Variants in OPHN1 observed in about 807,000 individuals in gnomAD.
OPHN1 encodes oligophrenin-1.
A neutral mutation model predicts 60.7 loss-of-function variants in OPHN1; 11 were observed. The observed-to-expected ratio is 0.18, with a 90% CI of 0.11 to 0.30. The LOEUF (loss-of-function observed/expected upper bound fraction) is 0.30. Ranked by LOEUF, OPHN1 falls within the 10% of genes least tolerant of loss-of-function variation. The probability of loss-of-function intolerance (pLI) is 1.00; values close to 1 mark genes in which losing one functional copy is unlikely to be tolerated. For missense variants in OPHN1, 449 were observed against 611.0 expected, an observed-to-expected ratio of 0.73 and a Z score of 2.80; for synonymous variants, 226 against 222.6, an observed-to-expected ratio of 1.02 and a Z score of -0.14.
At chrX:68,073,972 T>C (rs913112430) in intron 19 of OPHN1, among the ~76,000 whole-genome samples, 1 of 112,578 alleles carries the variant, frequency 8.9e-6, no homozygotes, top group Non-Finnish European at 1.9e-5. Context: ...TTGGATGCTA[T>C]AAGAAGTGCC....
chrX:68,245,267 C>T (rs1035198717), intron 5 of OPHN1, among the ~76,000 whole-genome samples: 4 of 111,455 alleles, frequency 3.6e-5, no homozygotes, highest in Non-Finnish European at 7.5e-5. Context: ...GCCCTGCAGT[C>T]TCACGCCAAT....
At chrX:68,330,596 C>T (rs1214000165) in intron 2 of OPHN1, among the ~76,000 whole-genome samples, 1 of 109,436 alleles carries the variant, frequency 9.1e-6, no homozygotes, top group Non-Finnish European at 1.9e-5. Flanking sequence ...CCCAGGCGTT[C>T]GAGCCCAACC....
At chrX:68,158,028 A>T (rs1479062661) in intron 15 of OPHN1, among the ~76,000 whole-genome samples, 2 of 111,472 alleles carry the variant, frequency 1.8e-5, no homozygotes, top group African/African-American at 6.5e-5. Context: ...GGCTCACTGC[A>T]AGCTCCACCT....
At chrX:68,298,921 C>T in intron 3 of OPHN1, 80 bp downstream of exon 3, 1 of 598,777 alleles carries the variant, frequency 1.7e-6, no homozygotes, top group South Asian at 2.2e-5. Context: ...TCCAAGTGCT[C>T]TGTATCCACA....
chrX:68,243,390 T>C (rs2077790715), intron 5 of OPHN1, among the ~76,000 whole-genome samples: 1 of 111,340 alleles, frequency 9.0e-6, no homozygotes, highest in Non-Finnish European at 1.9e-5. Context: ...ATGTATTTTA[T>C]TTATGTATTT....
At chrX:68,411,707 C>T (rs778964403) in intron 2 of OPHN1, among the ~76,000 whole-genome samples, 1 of 111,921 alleles carries the variant, frequency 8.9e-6, no homozygotes, top group East Asian at 2.8e-4. Flanking sequence ...TATATTCTCC[C>T]ATTCTGTAGC....
intron 6 of OPHN1, among the ~76,000 whole-genome samples, chrX:68,217,254 C>A (rs1207218102): frequency 8.9e-6 from 1 of 112,286 alleles, no homozygotes; most frequent in Non-Finnish European, 1.9e-5. Context: ...GAGATTATAT[C>A]CCGCACCTGG....
chrX:68,354,639 C>T (rs1418786969), intron 2 of OPHN1, among the ~76,000 whole-genome samples: 2 of 105,303 alleles, frequency 1.9e-5, no homozygotes, highest in Non-Finnish European at 3.9e-5. Flanking sequence ...CCTGTAGTCC[C>T]AGCTACTTGG....
rs947161887 is a variant in OPHN1 at position 68,330,932 on chromosome X, TTAAA to T, written c.155-31840_155-31837del. ...TTAAATATATTACATATTAATATAT[TTAAA>T]TATATATTTGGCATGCATTCTTCTT... On this transcript the variant is annotated intron_variant, in intron 2 of 24. Coordinates refer to ENST00000355520, the MANE Select transcript of OPHN1 (RefSeq NM_002547.3). 1.0e-4 allele frequency among the ~76,000 whole-genome samples: 11 copies of T among 105,996 alleles called. No individual in the cohort carries two copies. The Admixed American group carries it at 1.2e-3, about 11-fold the overall frequency. 92.0% of individuals were successfully genotyped at this position (105,996 alleles called of 115,157 possible).
At chrX:68,354,991 T>C (rs1379625971) in intron 2 of OPHN1, among the ~76,000 whole-genome samples, 2 of 111,797 alleles carry the variant, frequency 1.8e-5, no homozygotes. Flanking sequence ...AACCCAACTG[T>C]TGGGCCCAGG....
intron 2 of OPHN1, among the ~76,000 whole-genome samples, chrX:68,398,382 G>A (rs1232079865): frequency 8.9e-6 from 1 of 111,954 alleles, no homozygotes; most frequent in Non-Finnish European, 1.9e-5. Context: ...AGTTTCCAAA[G>A]ATTTCAATCC....
intron 18 of OPHN1, among the ~76,000 whole-genome samples, chrX:68,108,554 CAT>C (rs2077091165): frequency 9.0e-6 from 1 of 111,171 alleles, no homozygotes; most frequent in African/African-American, 3.3e-5. Context: ...ATAACATTAA[CAT>C]ATTTACTTTT....
At chrX:68,053,538 G>C (rs1448406860) in intron 22 of OPHN1, 107 bp downstream of exon 22, 1 of 797,664 alleles carries the variant, frequency 1.3e-6, no homozygotes, top group Non-Finnish European at 1.9e-6. Flanking sequence ...TAAAGTGAAG[G>C]ATGCCCCAGG....
At chrX:68,347,899 G>A (rs1424155135) in intron 2 of OPHN1, among the ~76,000 whole-genome samples, 1 of 111,883 alleles carries the variant, frequency 8.9e-6, no homozygotes, top group Admixed American at 9.6e-5. Context: ...GGATTTTGGA[G>A]ACAAAAGTTA....
chrX:68,076,253 C>G (rs1359386090), intron 19 of OPHN1, among the ~76,000 whole-genome samples: 1 of 110,473 alleles, frequency 9.1e-6, no homozygotes, highest in Non-Finnish European at 1.9e-5. Flanking sequence ...GAAATGCATG[C>G]TAAAAACATG....
chrX:68,360,695 A>G (rs1432063025), intron 2 of OPHN1, among the ~76,000 whole-genome samples: 1 of 110,938 alleles, frequency 9.0e-6, no homozygotes, highest in African/African-American at 3.3e-5. Flanking sequence ...AGGTAGGAGG[A>G]TGTCTTGAGC....
At chrX:68,404,471 A>G (rs992453005) in intron 2 of OPHN1, among the ~76,000 whole-genome samples, 1 of 111,550 alleles carries the variant, frequency 9.0e-6, no homozygotes, top group Non-Finnish European at 1.9e-5. Context: ...ACTTTTAAAT[A>G]GAATTATCAT....
chrX:68,268,199 C>T (rs2077943597), intron 5 of OPHN1, among the ~76,000 whole-genome samples: 1 of 111,544 alleles, frequency 9.0e-6, no homozygotes, highest in African/African-American at 3.3e-5. Context: ...TGAAACTATT[C>T]CAGTCAATAA....
intron 3 of OPHN1, among the ~76,000 whole-genome samples, chrX:68,292,741 G>C (rs926380776): frequency 2.7e-5 from 3 of 110,952 alleles, no homozygotes; most frequent in African/African-American, 6.6e-5. Flanking sequence ...AAAACCTGAC[G>C]GCCCAGATCC....
Sources: gnomAD v4.1 joint callset for allele counts (sites outside exome capture counted in the v4.1 genomes callset) on GRCh38, gnomAD v4.1.1 for gene constraint, MANE v1.5 for transcripts, NCBI Gene and HGNC (gene_info 2026-07-23, HGNC 2026-07-21) for gene names.